Variants in COL9A3 observed in about 807,000 individuals in gnomAD.
The protein encoded by COL9A3 is collagen type IX alpha 3 chain.
A neutral mutation model predicts 110.2 loss-of-function variants in COL9A3; 82 were observed. The ratio of observed to expected loss-of-function variants is 0.74; its 90% CI spans 0.62 to 0.89. The LOEUF (loss-of-function observed/expected upper bound fraction) is 0.89, where lower values mean the gene tolerates loss of function less well. Among genes scored for constraint, COL9A3 ranks in the 40% least tolerant of loss-of-function variants. The pLI, the probability that COL9A3 is intolerant of heterozygous loss-of-function variation, is 0.00. For synonymous variants in COL9A3, 494 were observed against 403.8 expected (o/e 1.22, Z -2.68); for missense variants, 1,066 against 981.3 (o/e 1.09, Z -1.15).
At chr20:62,835,656 A>C (rs1236921549) in intron 26 of COL9A3, among the ~76,000 whole-genome samples, 1 of 152,198 alleles carries the variant, frequency 6.6e-6, no homozygotes, top group Non-Finnish European at 1.5e-5. Context: ...AATGGAAGCA[A>C]AGTAAGCGTG....
At chr20:62,821,048 GC>G in intron 5 of COL9A3, 132 bp from the exon 6 acceptor site, 1 of 906,458 alleles carries the variant, frequency 1.1e-6, no homozygotes, top group Admixed American at 2.0e-5. Flanking sequence ...CAGAGGCCCT[GC>G]CCCTCTGTGA....
In COL9A3 at chr20:62,817,789, G is replaced by A. The variant is rs2273081; in HGVS notation, c.147+154G>A. ...GACAGCCAGTGCCTTCACGGGATGG[G>A]GGTGGCCCTGCGGGGACTGCTGGTG... On this transcript the variant is annotated intron_variant, in intron 2 of 31. Transcript: ENST00000649368. The A allele has an allele frequency of 0.029, 19,034 of 655,654 alleles. 742 individuals are homozygous for A. Among genetic ancestry groups the A allele is most frequent in the East Asian group, 0.14 (4,967 of 35,824 alleles). The allele number at this position is 655,654 out of a possible 1,614,324, so 40.6% of individuals were successfully genotyped here.
rs151186099 is a variant in COL9A3 at position 62,828,529 on chromosome 20, G to A, written c.901-235G>A. The stretch of plus-strand genomic sequence containing the variant: ...GTGCCTGGTGGACGAGGCCTCGGGC[G>A]TCAGCACTGCATCAGCACCGCCTCT... On this transcript the variant is annotated intron_variant, in intron 17 of 31. Coordinates refer to ENST00000649368, the MANE Select transcript of COL9A3 (RefSeq NM_001853.4). Among the ~76,000 whole-genome samples, 397 of 152,364 alleles carry A rather than the reference G, an allele frequency of 2.6e-3. 4 individuals are homozygous for A. Among genetic ancestry groups the A allele is most frequent in the East Asian group, 0.013 (66 of 5,188 alleles).
rs2063522757 is a variant in COL9A3, at chr20:62,822,903, T to A, written c.519+271T>A. 2.0e-5 allele frequency among the ~76,000 whole-genome samples: 3 copies of A among 151,760 alleles called. No homozygotes were observed. In the South Asian group the frequency reaches 6.3e-4, roughly 32 times the overall value. ...GGCGCATGGAGCTGTACAAATGTAATGAATCACAATCATGTCACAGAGCCA... is the reference window on the plus strand; with the variant it reads ...GGCGCATGGAGCTGTACAAATGTAAAGAATCACAATCATGTCACAGAGCCA... On this transcript the variant is annotated intron_variant, in intron 10 of 31. Transcript: ENST00000649368.
intron 9 of COL9A3, 111 bp from the exon 10 acceptor site, chr20:62,822,480 C>G (rs1168048744): frequency 9.2e-7 from 1 of 1,086,008 alleles, no homozygotes. Context: ...GTCTCCAAGT[C>G]CCCTGGTGGA....
Position 62,820,037 on chromosome 20 carries a change from C to T in COL9A3, c.309+55C>T, listed in dbSNP as rs1991068199. 3.2e-6 allele frequency: 5 copies of T among 1,583,622 alleles called. No individual in the cohort carries two copies. In the South Asian group the frequency reaches 4.4e-5, roughly 14 times the overall value. On this transcript the variant is annotated intron_variant, in intron 5 of 31. Coordinates refer to ENST00000649368, the MANE Select transcript of COL9A3 (RefSeq NM_001853.4). ...GGGTTCAGAGGTGAGGTCCCCTGGC[C>T]ACCTCTGGCTGCTCTGTGTCCACAA...
At chr20:62,822,720 C>T in intron 10 of COL9A3, 88 bp downstream of exon 10, 2 of 1,442,696 alleles carry the variant, frequency 1.4e-6, no homozygotes, top group Non-Finnish European at 1.9e-6. Context: ...CTTGTCCATA[C>T]TGGCAAGAAG....
rs778959452 is a variant in COL9A3 at position 62,832,189 on chromosome 20, G to A, written c.1323G>A (p.Gln441=). The part of the protein sequence containing the change: ...PGGAAGPKGD[Q]GIAGSDGLPG... ...GTGCCGCAGGCCCTAAGGGAGACCA[G>A]GTGAGCTGGGCACAGGCTGGGGCAA... Residue 441 remains glutamine, a splice_region_variant and synonymous_variant, in exon 25 of 32, where the codon CAG becomes CAA. Coordinates refer to ENST00000649368, the MANE Select transcript of COL9A3 (RefSeq NM_001853.4). 6.2e-7 allele frequency: 1 copy of A among 1,612,844 alleles called. No homozygotes were observed. The highest frequency in any genetic ancestry group is 8.5e-7 in the Non-Finnish European group (1 of 1,179,712).
chr20:62,823,534 G>C (rs2063527216), intron 10 of COL9A3, among the ~76,000 whole-genome samples: 1 of 152,208 alleles, frequency 6.6e-6, no homozygotes, highest in Non-Finnish European at 1.5e-5. Context: ...CCGGGGCCTA[G>C]GTGCCTGGCC....
At chr20:62,835,865 C>G in intron 26 of COL9A3, 56 bp from the exon 27 acceptor site, 6 of 1,597,178 alleles carry the variant, frequency 3.8e-6, no homozygotes, top group Non-Finnish European at 5.2e-6. Context: ...CAACTGGCTA[C>G]TTCCCACCCA....
At chr20:62,839,179 C>A (rs1568767341) in intron 31 of COL9A3, among the ~76,000 whole-genome samples, 1 of 151,748 alleles carries the variant, frequency 6.6e-6, no homozygotes, top group African/African-American at 2.4e-5. Flanking sequence ...TTGCAGTGAG[C>A]CAAGATGGCG....
upstream of COL9A3, among the ~76,000 whole-genome samples, chr20:62,816,904 G>A (rs1254767557): frequency 6.6e-6 from 1 of 151,162 alleles, no homozygotes. Context: ...CTGGGCGGCG[G>A]CGCGGGGCGG....
rs541379689 is a variant in COL9A3 at position 62,836,333 on chromosome 20, G to A, written c.1548G>A (p.Pro516=). 45 of 1,613,760 alleles carry A rather than the reference G, an allele frequency of 2.8e-5. No homozygotes were observed. Among genetic ancestry groups the A allele is most frequent in the South Asian group, 7.7e-5 (7 of 91,082 alleles). Residue 516 remains proline (P), a splice_region_variant and synonymous_variant, in exon 28 of 32, where the codon CCG becomes CCA. Transcript: ENST00000649368. The part of the protein sequence containing the change: ...VPGITGKPGV[P]GKEASEQRIR... ...GCATCACGGGGAAGCCGGGAGTTCC[G>A]GTACGTCGCTTTTCCGGCTTTTCCA...
At chr20:62,818,589 A>G in intron 3 of COL9A3, 36 bp downstream of exon 3, 1 of 1,598,168 alleles carries the variant, frequency 6.3e-7, no homozygotes, top group Non-Finnish European at 8.6e-7. Flanking sequence ...GCCTTTTTCC[A>G]GTCTGGAGAG....
chr20:62,827,802 G>A (rs1198981781), intron 16 of COL9A3, 121 bp from the exon 17 acceptor site: 7 of 1,000,644 alleles, frequency 7.0e-6, no homozygotes, highest in South Asian at 3.8e-5. Context: ...GGTGGTGGTC[G>A]GGGGTGGCCC....
Position 62,840,730 on chromosome 20 carries a change from T to TA in COL9A3, c.*2dup, listed in dbSNP as rs1226684126. Residue 685 remains the stop codon, a frameshift_variant and stop_retained_variant, in exon 32 of 32, where the codon TAA becomes TAAA. Coordinates refer to ENST00000649368, the MANE Select transcript of COL9A3 (RefSeq NM_001853.4). LOFTEE classifies it high-confidence loss of function. ...GGAGAAATCAGGCTCTCGAAGCTCA[T>TA]AAAATTCAACGTGAGGAAGCAAGTG... ...VGEKSGSRSS[*] 5.8e-6 allele frequency: 9 copies of TA among 1,564,894 alleles called. No individual in the cohort carries two copies. In the Admixed American group the frequency reaches 5.8e-5, roughly 10 times the overall value.
chr20:62,828,000 G>C, intron 17 of COL9A3, 24 bp downstream of exon 17: 2 of 1,612,500 alleles, frequency 1.2e-6, no homozygotes, highest in Middle Eastern at 3.3e-4. Context: ...GCTGCTCATG[G>C]AATGCTCCTC....
chr20:62,831,775 A>G, intron 24 of COL9A3: 1 of 309,500 alleles, frequency 3.2e-6, no homozygotes, highest in Non-Finnish European at 6.3e-6. Flanking sequence ...AGGGATTCAT[A>G]GCAACTCCCA....
intron 8 of COL9A3, 54 bp from the exon 9 acceptor site, chr20:62,822,057 C>T (rs910521316): frequency 9.3e-6 from 10 of 1,078,732 alleles, no homozygotes; most frequent in Middle Eastern, 2.1e-4. Flanking sequence ...AAGCCGGGCA[C>T]CTCACTCAGG....
Sources: allele counts gnomAD v4.1 joint callset (sites outside exome capture counted in the v4.1 genomes callset), GRCh38; gene constraint gnomAD v4.1.1; transcripts MANE v1.5; gene names NCBI Gene and HGNC (gene_info 2026-07-23, HGNC 2026-07-21).